The following KIF27 variants were observed in gnomAD, a reference collection of about 807,000 sequenced individuals.
KIF27 encodes the protein kinesin family member 27.
KIF27 carries 84 observed loss-of-function variants against 141.8 expected under a neutral mutation model. That is an observed-to-expected ratio of 0.59 (90% CI 0.50 to 0.71). The LOEUF is 0.71. Among genes scored for constraint, KIF27 ranks in the 30% least tolerant of loss-of-function variants. The probability of loss-of-function intolerance (pLI) is 0.00; values close to 1 mark genes in which losing one functional copy is unlikely to be tolerated. For synonymous variants in KIF27, 471 were observed against 569.5 expected (o/e 0.83, Z 2.46); for missense variants, 1,306 against 1,628.4 (o/e 0.80, Z 3.41).
chr9:83,839,951 AAAAC>A (rs898783767), intron 17 of KIF27, among the ~76,000 whole-genome samples: 34 of 152,330 alleles, frequency 2.2e-4, no homozygotes, highest in East Asian at 1.7e-3. Context: ...TCAAAAACAA[AAAAC>A]AAACAAACAG....
chr9:83,883,536 T>C, intron 10 of KIF27, among the ~76,000 whole-genome samples: 1 of 152,224 alleles, frequency 6.6e-6, no homozygotes, highest in Non-Finnish European at 1.5e-5. Context: ...TATTTAATCC[T>C]TTGTCCTTCA....
Position 83,908,535 on chromosome 9 carries a change from T to A in KIF27, c.416A>T (p.Tyr139Phe). ...TAGAAGATCTCTTAGGTCTTCCTTG[T>A]ACACTTCTATATAAGATACTTTTAC... is the stretch of plus-strand genomic sequence containing the variant. ...FNVKVSYIEV[Y>F]KEDLRDLLEL... Residue 139 changes from tyrosine to phenylalanine, a missense_variant, in exon 3 of 18, where the codon TAC (tyrosine) becomes TTC (phenylalanine). By Grantham distance (22) the Tyr-to-Phe change is conservative (BLOSUM62 3). Transcript: ENST00000297814. 1 of 1,610,282 alleles carries A rather than the reference T, an allele frequency of 6.2e-7. No homozygotes were observed. The highest frequency in any genetic ancestry group is 8.5e-7 in the Non-Finnish European group (1 of 1,176,734).
intron 13 of KIF27, among the ~76,000 whole-genome samples, chr9:83,864,169 C>T (rs1236767769): frequency 5.3e-5 from 8 of 152,086 alleles, no homozygotes; most frequent in African/African-American, 1.7e-4. Context: ...GTGTCTTTAT[C>T]TCCTTCAGTT....
At chr9:83,887,695 CTT>C (rs1952235718) in intron 8 of KIF27, among the ~76,000 whole-genome samples, 1 of 151,932 alleles carries the variant, frequency 6.6e-6, no homozygotes, top group Non-Finnish European at 1.5e-5. Flanking sequence ...CATAGCCAGA[CTT>C]TCTCAAGGAA....
chr9:83,862,618 A>G (rs1950033668), intron 13 of KIF27, among the ~76,000 whole-genome samples: 1 of 152,176 alleles, frequency 6.6e-6, no homozygotes, highest in South Asian at 2.1e-4. Flanking sequence ...TGATGCCTCC[A>G]GCTTTGTTCT....
chr9:83,908,535 T>G lies in KIF27; in HGVS notation c.416A>C (p.Tyr139Ser). The change falls in exon 3 of 18, where the codon TAC (tyrosine) becomes TCC (serine). Residue 139 changes from tyrosine to serine, a missense_variant. This residue lies in a region of KIF27 where 533 missense variants were observed against 565.6 expected (regional missense o/e 0.94). Transcript: ENST00000297814. ...TAGAAGATCTCTTAGGTCTTCCTTG[T>G]ACACTTCTATATAAGATACTTTTAC... The part of the protein sequence containing the change: ...FNVKVSYIEV[Y>S]KEDLRDLLEL... The G allele has an allele frequency of 6.2e-7, 1 of 1,610,282 alleles. No individual in the cohort carries two copies. Among genetic ancestry groups the G allele is most frequent in the Non-Finnish European group, 8.5e-7 (1 of 1,176,734 alleles).
intron 4 of KIF27, among the ~76,000 whole-genome samples, chr9:83,900,807 T>C (rs1438343219): frequency 6.6e-6 from 1 of 151,682 alleles, no homozygotes; most frequent in African/African-American, 2.4e-5. Context: ...AAGCTTCCAA[T>C]TACCAGTACT....
At chr9:83,914,643 T>A (rs552900093) in intron 2 of KIF27, among the ~76,000 whole-genome samples, 1 of 152,306 alleles carries the variant, frequency 6.6e-6, no homozygotes, top group African/African-American at 2.4e-5. Context: ...ATGATGCATA[T>A]GTGCACTACT....
chr9:83,879,146 C>T (rs1951469622), intron 11 of KIF27, among the ~76,000 whole-genome samples: 3 of 149,886 alleles, frequency 2.0e-5, no homozygotes, highest in Admixed American at 2.0e-4. Context: ...CCATTGCACT[C>T]CAGCCTGGGC....
At chr9:83,888,273 G>A (rs557853905) in intron 8 of KIF27, among the ~76,000 whole-genome samples, 3 of 151,396 alleles carry the variant, frequency 2.0e-5, no homozygotes, top group African/African-American at 7.3e-5. Context: ...TATATCTCTC[G>A]CTATAATTAA....
At position 83,848,130 on chromosome 9, in the gene KIF27, C is replaced by CTCATATATATCTGATATA. The variant is rs1947688688; in HGVS notation, c.3556+1968_3556+1969insTATATCAGATATATATGA. On this transcript the variant is annotated intron_variant, in intron 16 of 17. Coordinates refer to ENST00000297814, the MANE Select transcript of KIF27 (RefSeq NM_017576.4). ...ATCTCATATCTGATATATCTGATAT[C>CTCATATATATCTGATATA]TCATATATGATATATCTGATATATC... Among the ~76,000 whole-genome samples the CTCATATATATCTGATATA allele has an allele frequency of 1.0e-4, 2 of 19,764 alleles. 1 individual carries two copies. 13.0% of individuals were successfully genotyped at this position (19,764 alleles called of 152,430 possible).
At chr9:83,878,056 CG>C (rs1951345484) in intron 11 of KIF27, among the ~76,000 whole-genome samples, 1 of 147,162 alleles carries the variant, frequency 6.8e-6, no homozygotes, top group Admixed American at 7.0e-5. Context: ...CCCAGCTACT[CG>C]GGAGGCTGAG....
intron 13 of KIF27, among the ~76,000 whole-genome samples, chr9:83,865,186 TTA>T (rs1239165059): frequency 6.6e-6 from 1 of 152,208 alleles, no homozygotes; most frequent in Non-Finnish European, 1.5e-5. Flanking sequence ...GGAATTCCCA[TTA>T]CTTGGATCTT....
chr9:83,839,875 G>A (rs765945434), intron 17 of KIF27, among the ~76,000 whole-genome samples: 31 of 152,242 alleles, frequency 2.0e-4, no homozygotes, highest in Admixed American at 9.2e-4. Context: ...CCTGGGAGGT[G>A]GAGGCTGCAG....
chr9:83,917,002 C>T (rs957461215), intron 1 of KIF27, among the ~76,000 whole-genome samples: 2 of 151,578 alleles, frequency 1.3e-5, no homozygotes, highest in East Asian at 1.9e-4. Flanking sequence ...TTTTATTATA[C>T]TTTAAGTTCT....
intron 16 of KIF27, chr9:83,848,764 C>G (rs1288081337): frequency 6.6e-6 from 1 of 151,442 alleles, no homozygotes; most frequent in Non-Finnish European, 1.5e-5. Context: ...TGCACCCAGC[C>G]ACAACTTTGT....
At chr9:83,848,606 A>G (rs1164229031) in intron 16 of KIF27, 1 of 148,290 alleles carries the variant, frequency 6.7e-6, no homozygotes. Flanking sequence ...ATATATGCAT[A>G]TATGCATATA....
intron 15 of KIF27, among the ~76,000 whole-genome samples, chr9:83,853,271 G>A (rs1423549260): frequency 6.6e-6 from 1 of 151,910 alleles, no homozygotes; most frequent in African/African-American, 2.4e-5. Flanking sequence ...TCAAAACTTG[G>A]AGGGCCCTTG....
intron 9 of KIF27, among the ~76,000 whole-genome samples, 191 bp from the exon 10 acceptor site, chr9:83,884,209 C>A (rs1464683831): frequency 2.6e-5 from 4 of 152,038 alleles, no homozygotes; most frequent in Non-Finnish European, 5.9e-5. Flanking sequence ...ATAATTAGTT[C>A]CTTAATGACT....
Sources: gnomAD v4.1 joint callset for allele counts (sites outside exome capture counted in the v4.1 genomes callset) on GRCh38, gnomAD v4.1.1 for gene constraint, gnomAD v4.1.1 regional missense constraint, MANE v1.5 for transcripts, NCBI Gene and HGNC (gene_info 2026-07-23, HGNC 2026-07-21) for gene names.